Variants in ZCCHC14 observed in about 807,000 individuals in gnomAD.
The protein encoded by ZCCHC14 is zinc finger CCHC-type containing 14.
In ZCCHC14, 16 loss-of-function variants were observed where a neutral mutation model predicts 85.0. That is an observed-to-expected ratio of 0.19 (90% CI 0.13 to 0.29). The LOEUF is 0.29. ZCCHC14 is among the 10% of genes least tolerant of loss of function. ZCCHC14 has a pLI of 1.00. For missense variants in ZCCHC14, 1,303 were observed against 1,443.5 expected, an observed-to-expected ratio of 0.90 and a Z score of 1.58; for synonymous variants, 775 against 630.7, an observed-to-expected ratio of 1.23 and a Z score of -3.43.
chr16:87,477,057 A>G (rs1247651180), intron 1 of ZCCHC14, among the ~76,000 whole-genome samples: 4 of 143,650 alleles, frequency 2.8e-5, no homozygotes, highest in African/African-American at 1.0e-4. Flanking sequence ...CCCAGGAGGC[A>G]GAGGTTGCAG....
At chr16:87,414,257 G>A (rs537574387) in intron 10 of ZCCHC14, among the ~76,000 whole-genome samples, 157 bp downstream of exon 10, 2 of 151,582 alleles carry the variant, frequency 1.3e-5, no homozygotes, top group Non-Finnish European at 2.9e-5. Context: ...CTCTGTGTAC[G>A]AGTAACCCAC....
At position 87,454,836 on chromosome 16, in the gene ZCCHC14, G is replaced by C. The variant is rs147744653; in HGVS notation, c.694+5172C>G. 7.3e-3 allele frequency among the ~76,000 whole-genome samples: 1,107 copies of C among 152,372 alleles called. 16 individuals carry two copies. Among genetic ancestry groups the C allele is most frequent in the African/African-American group, 0.025 (1,047 of 41,586 alleles). ...ATGTGACAAGTACACATACAGGACA[G>C]GGCAGAGCTGCACTGATGATGCCTG... is the stretch of plus-strand genomic sequence containing the variant. On this transcript the variant is annotated intron_variant, in intron 2 of 12. Transcript: ENST00000671377.
rs1911815286 is a variant in ZCCHC14 at position 87,472,487 on chromosome 16, G to GACC, written c.571-12359_571-12357dup. 10 of 152,568 alleles carry GACC rather than the reference G, an allele frequency of 6.6e-5. No individual in the cohort carries two copies. The South Asian group carries it at 2.1e-3, about 32-fold the overall frequency. 9.5% of individuals were successfully genotyped at this position (152,568 alleles called of 1,614,324 possible). ...TCTCTCAACACGGCCCCACAGAGCA[G>GACC]ACCACCAGCAGCACCGCTGTGGCGC... On this transcript the variant is annotated intron_variant, in intron 1 of 12. Coordinates refer to ENST00000671377, the MANE Select transcript of ZCCHC14 (RefSeq NM_015144.3).
chr16:87,479,732 A>T (rs576642812), intron 1 of ZCCHC14, among the ~76,000 whole-genome samples: 3 of 152,200 alleles, frequency 2.0e-5, no homozygotes, highest in Admixed American at 6.5e-5. Flanking sequence ...TACTCCATGG[A>T]AATGAACTCA....
intron 1 of ZCCHC14, among the ~76,000 whole-genome samples, chr16:87,485,468 C>T (rs911616620): frequency 2.3e-4 from 35 of 151,860 alleles, no homozygotes; most frequent in African/African-American, 2.9e-4. Context: ...TTCTAAACTG[C>T]GTATGTTAAG....
intron 1 of ZCCHC14, among the ~76,000 whole-genome samples, chr16:87,476,372 AT>A (rs550121665): frequency 6.6e-6 from 1 of 152,108 alleles, no homozygotes; most frequent in East Asian, 1.9e-4. Context: ...TTTCCTCGTA[AT>A]TTTTTTAAAG....
intron 7 of ZCCHC14, 133 bp downstream of exon 7, chr16:87,418,714 T>C: frequency 1.1e-6 from 1 of 923,908 alleles, no homozygotes; most frequent in Non-Finnish European, 1.7e-6. Context: ...TCATCTCTAC[T>C]CAATTCTTCT....
At position 87,459,658 on chromosome 16, in the gene ZCCHC14, C is replaced by T. The variant is rs140828236; in HGVS notation, c.694+350G>A. On this transcript the variant is annotated intron_variant, in intron 2 of 12. Transcript: ENST00000671377. The stretch of plus-strand genomic sequence containing the variant: ...CCGAGTAGCTGGGATTACAGATGCC[C>T]GCCACCACGCCCAGCTAATTTTGTA... Among the ~76,000 whole-genome samples, 667 of 152,042 alleles carry T rather than the reference C, an allele frequency of 4.4e-3. 8 individuals carry two copies. Among genetic ancestry groups the T allele is most frequent in the East Asian group, 0.044 (226 of 5,156 alleles).
chr16:87,466,301 A>G (rs1267784805), intron 1 of ZCCHC14, among the ~76,000 whole-genome samples: 1 of 152,230 alleles, frequency 6.6e-6, no homozygotes, highest in African/African-American at 2.4e-5. Flanking sequence ...AAGCTCTTCC[A>G]AAGACATCCA....
At position 87,412,282 on chromosome 16, in the gene ZCCHC14, C is replaced by T; in HGVS notation, c.2439G>A (p.Leu813=). 1 of 1,613,942 alleles carries T rather than the reference C, an allele frequency of 6.2e-7. No homozygotes were observed. Among genetic ancestry groups the T allele is most frequent in the Non-Finnish European group, 8.5e-7 (1 of 1,180,020 alleles). ...PPAIINPRTA[L]YTANTKVAFS... ...AGGCAACTTTGGTGTTGGCTGTGTACAGAGCAGTCCGGGGGTTTATTATTG... is the reference window on the plus strand; with the variant it reads ...AGGCAACTTTGGTGTTGGCTGTGTATAGAGCAGTCCGGGGGTTTATTATTG... Residue 813 remains leucine (L), a synonymous_variant, in exon 12 of 13, where the codon CTG becomes CTA. Transcript: ENST00000671377.
chr16:87,425,261 C>CT (rs1237186648), intron 3 of ZCCHC14, among the ~76,000 whole-genome samples: 2 of 152,188 alleles, frequency 1.3e-5, no homozygotes, highest in East Asian at 3.8e-4. Context: ...CCTTGCCACC[C>CT]AGAATCTTCC....
intron 2 of ZCCHC14, among the ~76,000 whole-genome samples, chr16:87,433,582 G>A (rs962179852): frequency 5.3e-5 from 8 of 152,182 alleles, no homozygotes; most frequent in Admixed American, 5.2e-4. Context: ...AAAAGGTAAT[G>A]CTCAGCATTT....
chr16:87,420,844 C>T lies in ZCCHC14; in HGVS notation c.841-128G>A. 6 of 676,186 alleles carry T rather than the reference C, an allele frequency of 8.9e-6. No individual in the cohort carries two copies. Among genetic ancestry groups the T allele is most frequent in the Non-Finnish European group, 1.5e-5 (6 of 407,302 alleles). The allele number at this position is 676,186 out of a possible 1,614,324, so 41.9% of individuals were successfully genotyped here. A position where few individuals can be genotyped will look rare whatever the true frequency, so the allele number is the denominator to read the frequency against. On this transcript the variant is annotated intron_variant, in intron 4 of 12. Transcript: ENST00000671377. This position sits in a 1 kb window ranked among gnomAD's most constrained non-coding sequence, Gnocchi z 5.0. ...CCTGCTGGTCTGATATGATTTACAC[C>T]TCCCGTCAGAGCTATTCTGGGGCCC... is the stretch of plus-strand genomic sequence containing the variant.
In ZCCHC14 at chr16:87,446,242, G is replaced by C. The variant is rs146552958; in HGVS notation, c.695-13041C>G. Among the ~76,000 whole-genome samples, 436 of 152,012 alleles carry C rather than the reference G, an allele frequency of 2.9e-3. 2 individuals are homozygous for C. Among genetic ancestry groups the C allele is most frequent in the African/African-American group, 0.01 (419 of 41,460 alleles). ...CTCACGCCTGTAATCCCAGCACTTT[G>C]GGAGACCAAGGTGGGTGGATCACTT... On this transcript the variant is annotated intron_variant, in intron 2 of 12. Coordinates refer to ENST00000671377, the MANE Select transcript of ZCCHC14 (RefSeq NM_015144.3).
Position 87,411,070 on chromosome 16 carries a change from T to A in ZCCHC14, c.3205+446A>T, listed in dbSNP as rs138841996. Among the ~76,000 whole-genome samples, 524 of 152,334 alleles carry A rather than the reference T, an allele frequency of 3.4e-3. 1 individual carries two copies. Among genetic ancestry groups the A allele is most frequent in the Non-Finnish European group, 5.9e-3 (402 of 68,024 alleles). ...ACAGGAGGGAACGGAAGATGCAGCA[T>A]GGCTGAGGGGTGACAGCCCCCCACA... On this transcript the variant is annotated intron_variant, in intron 12 of 12. Transcript: ENST00000671377.
chr16:87,469,495 G>A (rs1001018694), intron 1 of ZCCHC14, among the ~76,000 whole-genome samples: 2 of 152,202 alleles, frequency 1.3e-5, no homozygotes, highest in Non-Finnish European at 2.9e-5. Context: ...CCGTCTCGGC[G>A]GCCAGTGCTG....
chr16:87,434,708 G>A (rs1379374613), intron 2 of ZCCHC14, among the ~76,000 whole-genome samples: 1 of 152,140 alleles, frequency 6.6e-6, no homozygotes, highest in Admixed American at 6.5e-5. Context: ...GTTTTTTGGG[G>A]TGGTTGGGAG....
chr16:87,411,295 T>C (rs1323950354), intron 12 of ZCCHC14: 30 of 1,388,640 alleles, frequency 2.2e-5, no homozygotes, highest in Non-Finnish European at 2.7e-5. Flanking sequence ...AAGCACCTTC[T>C]AGAACCAGAG....
intron 3 of ZCCHC14, among the ~76,000 whole-genome samples, chr16:87,426,062 T>C (rs1406335286): frequency 6.6e-6 from 1 of 152,188 alleles, no homozygotes; most frequent in Non-Finnish European, 1.5e-5. Context: ...CCTAAGGCTA[T>C]CAGAAAGTGA....
Sources: gnomAD v4.1 joint callset for allele counts (sites outside exome capture counted in the v4.1 genomes callset) on GRCh38, gnomAD v4.1.1 for gene constraint, Gnocchi (gnomAD v3.1) non-coding constraint, MANE v1.5 for transcripts, NCBI Gene and HGNC (gene_info 2026-07-23, HGNC 2026-07-21) for gene names.